ZNF618: variants seen among roughly 807,000 people sequenced by gnomAD.
ZNF618 encodes the protein zinc finger protein 618, also known as neural precursor cell expressed, developmentally down-regulated 10.
In ZNF618, 34 loss-of-function variants were observed where a neutral mutation model predicts 103.0. The ratio of observed to expected loss-of-function variants is 0.33; its 90% CI spans 0.25 to 0.44. The LOEUF (loss-of-function observed/expected upper bound fraction) is 0.44, where lower values mean the gene tolerates loss of function less well. ZNF618 is among the 20% of genes least tolerant of loss of function. The pLI is 1.00. For synonymous variants in ZNF618, 551 were observed against 542.2 expected (o/e 1.02, Z -0.23); for missense variants, 1,059 against 1,295.4 (o/e 0.82, Z 2.80).
intron 4 of ZNF618, among the ~76,000 whole-genome samples, chr9:114,001,079 T>G (rs985748898): frequency 1.3e-5 from 2 of 152,148 alleles, no homozygotes; most frequent in Non-Finnish European, 2.9e-5. Flanking sequence ...GAGGGCTGAT[T>G]TAGATGGGGA....
chr9:114,033,546 G>GC (rs1444508248), intron 12 of ZNF618, among the ~76,000 whole-genome samples: 1 of 152,064 alleles, frequency 6.6e-6, no homozygotes, highest in Admixed American at 6.6e-5. Flanking sequence ...GGTCTCTGGC[G>GC]CCCCCTGACG....
Position 114,007,416 on chromosome 9 carries a change from A to G in ZNF618, c.617A>G (p.His206Arg). 6.2e-7 allele frequency: 1 copy of G among 1,613,706 alleles called. No individual in the cohort carries two copies. The highest frequency in any genetic ancestry group is 8.5e-7 in the Non-Finnish European group (1 of 1,179,850). ...AAATACTACAGCTGTTTCCAAGAGCACCGAGACCTGCACGCAGTGGATGGT... is the reference window on the plus strand; with the variant it reads ...AAATACTACAGCTGTTTCCAAGAGCGCCGAGACCTGCACGCAGTGGATGGT... The part of the protein sequence containing the change: ...KYKYYSCFQE[H>R]RDLHAVDVFS... Residue 206 changes from histidine (H) to arginine (R), a missense_variant, in exon 7 of 15, where the codon CAC (histidine) becomes CGC (arginine). His to Arg is a conservative substitution (Grantham distance 29). This residue lies in a region of ZNF618 where 434 missense variants were observed against 476.0 expected (regional missense o/e 0.91). Coordinates refer to ENST00000374126, the MANE Select transcript of ZNF618 (RefSeq NM_001318042.2).
At chr9:114,040,696 T>C (rs908209447) in intron 13 of ZNF618, among the ~76,000 whole-genome samples, 2 of 152,232 alleles carry the variant, frequency 1.3e-5, no homozygotes, top group African/African-American at 4.8e-5. Context: ...TTCCATGGTG[T>C]ATATGTGCCA....
chr9:114,030,790 T>C (rs941544700), intron 11 of ZNF618: 1 of 152,210 alleles, frequency 6.6e-6, no homozygotes, highest in Non-Finnish European at 1.5e-5. Flanking sequence ...TGGTGCTGCA[T>C]GTTGATTTTT....
chr9:113,904,217 A>G (rs1306625242), intron 1 of ZNF618, among the ~76,000 whole-genome samples: 5 of 146,130 alleles, frequency 3.4e-5, no homozygotes, highest in Non-Finnish European at 6.0e-5. Flanking sequence ...AATACTACCC[A>G]GTGTATTTTT....
intron 1 of ZNF618, among the ~76,000 whole-genome samples, chr9:113,968,421 G>A (rs1837626967): frequency 6.6e-6 from 1 of 152,176 alleles, no homozygotes; most frequent in Non-Finnish European, 1.5e-5. Flanking sequence ...GCTGGCGGTA[G>A]TGAAGATCTA....
intron 1 of ZNF618, among the ~76,000 whole-genome samples, chr9:113,933,743 C>A (rs1047484521): frequency 6.6e-6 from 1 of 151,772 alleles, no homozygotes; most frequent in African/African-American, 2.4e-5. Flanking sequence ...TGGGGTTTTG[C>A]CAGAGAATAA....
chr9:113,968,435 A>G (rs1837629271), intron 1 of ZNF618, among the ~76,000 whole-genome samples: 1 of 151,914 alleles, frequency 6.6e-6, no homozygotes, highest in Non-Finnish European at 1.5e-5. Context: ...AGATCTAGGT[A>G]TTGTTCCCAG....
At chr9:113,920,357 T>C (rs1832527607) in intron 1 of ZNF618, among the ~76,000 whole-genome samples, 1 of 151,956 alleles carries the variant, frequency 6.6e-6, no homozygotes, top group Admixed American at 6.6e-5. Flanking sequence ...GAGAAGGTAC[T>C]GTAACACAGA....
chr9:113,977,242 G>T (rs1342515742), intron 2 of ZNF618, among the ~76,000 whole-genome samples: 1 of 152,178 alleles, frequency 6.6e-6, no homozygotes. Context: ...GGCGACGTGG[G>T]CAGGAAGGTG....
intron 3 of ZNF618, among the ~76,000 whole-genome samples, chr9:113,995,659 A>G (rs1486510099): frequency 6.6e-6 from 1 of 152,152 alleles, no homozygotes; most frequent in Non-Finnish European, 1.5e-5. Context: ...TCATCAGATG[A>G]TATTTTTAAT....
At chr9:113,923,252 GT>G (rs1832803802) in intron 1 of ZNF618, among the ~76,000 whole-genome samples, 1 of 151,788 alleles carries the variant, frequency 6.6e-6, no homozygotes, top group Non-Finnish European at 1.5e-5. Flanking sequence ...TTTTTGTTTT[GT>G]TTTGTTTTTA....
chr9:113,964,750 C>CTTTTTTTTTTTT (rs765191153), intron 1 of ZNF618, among the ~76,000 whole-genome samples: 1 of 98,486 alleles, frequency 1.0e-5, no homozygotes, highest in African/African-American at 3.9e-5. Context: ...CTCCTTTCTG[C>CTTTTTTTTTTTT]TTTTTTTTTT....
intron 1 of ZNF618, among the ~76,000 whole-genome samples, chr9:113,878,492 G>GA (rs968926450): frequency 4.0e-5 from 6 of 151,216 alleles, no homozygotes; most frequent in African/African-American, 1.2e-4. Flanking sequence ...AAACAAAAAA[G>GA]AAAAAAAAAT....
chr9:114,003,157 T>C (rs554131139), intron 6 of ZNF618, among the ~76,000 whole-genome samples: 1 of 152,322 alleles, frequency 6.6e-6, no homozygotes, highest in South Asian at 2.1e-4. Flanking sequence ...AATTGCTTAT[T>C]GGTGATTTGC....
chr9:113,936,054 A>G (rs188504312), intron 1 of ZNF618, among the ~76,000 whole-genome samples: 25 of 152,180 alleles, frequency 1.6e-4, no homozygotes, highest in African/African-American at 5.5e-4. Flanking sequence ...TCCTGGGCTC[A>G]TGTGATCCTC....
intron 3 of ZNF618, 132 bp from the exon 4 acceptor site, chr9:113,998,127 A>C: frequency 1.2e-6 from 1 of 800,800 alleles, no homozygotes; most frequent in Non-Finnish European, 2.0e-6. Flanking sequence ...GGCCAGCACA[A>C]GGTTTTTAAC....
intron 9 of ZNF618, among the ~76,000 whole-genome samples, chr9:114,015,443 T>C (rs573565851): frequency 2.0e-4 from 30 of 152,332 alleles, no homozygotes; most frequent in African/African-American, 7.0e-4. Flanking sequence ...ATAGTTCTTC[T>C]CATCAGATAG....
chr9:113,994,302 G>A (rs190113124), intron 3 of ZNF618, among the ~76,000 whole-genome samples: 12 of 152,328 alleles, frequency 7.9e-5, no homozygotes, highest in South Asian at 2.1e-4. Context: ...CTGCTTCATC[G>A]TGCCAGCTGA....
Sources: gnomAD v4.1 joint callset for allele counts (sites outside exome capture counted in the v4.1 genomes callset) on GRCh38, gnomAD v4.1.1 for gene constraint, gnomAD v4.1.1 regional missense constraint, MANE v1.5 for transcripts, NCBI Gene and HGNC (gene_info 2026-07-23, HGNC 2026-07-21) for gene names.